Variants in MYO5A observed in about 807,000 individuals in gnomAD.
MYO5A encodes the protein unconventional myosin-Va.
MYO5A carries 98 observed loss-of-function variants against 249.7 expected under a neutral mutation model. That is an observed-to-expected ratio of 0.39 (90% confidence interval 0.33 to 0.46). The LOEUF is 0.46. MYO5A is among the 20% of genes least tolerant of loss of function. The pLI, the probability that MYO5A is intolerant of heterozygous loss-of-function variation, is 0.98. For synonymous variants in MYO5A, 778 were observed against 810.6 expected (o/e 0.96, Z 0.68); for missense variants, 1,696 against 2,308.8 (o/e 0.73, Z 5.44).
chr15:52,416,341 T>C lies in MYO5A; in HGVS notation c.456-40A>G, dbSNP rs79383076. The stretch of plus-strand genomic sequence containing the variant: ...TTTTTTAAAAAGTAACTGCCATTGC[T>C]GCCTATAGCAGGATTGATAAGGGAA... On this transcript the variant is annotated intron_variant, in intron 4 of 41. Transcript: ENST00000399233. The C allele has an allele frequency of 4.0e-3, 6,358 of 1,592,320 alleles. 191 individuals are homozygous for C. The African/African-American group carries it at 0.074, about 19-fold the overall frequency.
At chr15:52,463,853 C>G (rs2076301065) in intron 1 of MYO5A, among the ~76,000 whole-genome samples, 1 of 152,196 alleles carries the variant, frequency 6.6e-6, no homozygotes, top group South Asian at 2.1e-4. Flanking sequence ...GGAAGAAGAG[C>G]ATAAATTTTT....
At chr15:52,371,660 G>A (rs773196381) in intron 21 of MYO5A, among the ~76,000 whole-genome samples, 2 of 152,088 alleles carry the variant, frequency 1.3e-5, no homozygotes, top group Admixed American at 6.5e-5. Flanking sequence ...GGCTGAGGCA[G>A]GAGGATTGCT....
chr15:52,452,815 TC>T (rs1488317912), intron 1 of MYO5A, among the ~76,000 whole-genome samples: 1 of 146,782 alleles, frequency 6.8e-6, no homozygotes, highest in Non-Finnish European at 1.5e-5. Flanking sequence ...GCCACTGTAC[TC>T]CAGCCTGAGC....
chr15:52,312,736 A>T lies in MYO5A; in HGVS notation c.*960T>A, dbSNP rs914174178. On this transcript the variant is annotated 3_prime_UTR_variant, in exon 42 of 42. Transcript: ENST00000399233. ...ATGCACTGAAGGAATCAGATCTGGT[A>T]GTTAAAAATAAGTCACTTCACAGAA... 1 of 152,246 alleles carries T rather than the reference A, an allele frequency of 6.6e-6. No homozygotes were observed. Among genetic ancestry groups the T allele is most frequent in the Non-Finnish European group, 1.5e-5 (1 of 68,034 alleles). 9.4% of individuals were successfully genotyped at this position (152,246 alleles called of 1,614,324 possible).
chr15:52,337,280 T>C (rs1391973950), intron 33 of MYO5A, among the ~76,000 whole-genome samples: 1 of 152,186 alleles, frequency 6.6e-6, no homozygotes, highest in Non-Finnish European at 1.5e-5. Flanking sequence ...AAGTCCATGA[T>C]TATTGGCTAT....
intron 1 of MYO5A, among the ~76,000 whole-genome samples, chr15:52,438,216 CA>C (rs35228600): frequency 0.25 from 38,035 of 151,990 alleles, 5,735 homozygotes; most frequent in East Asian, 0.64. Context: ...GGCCGCAAAG[CA>C]AATACACATG....
chr15:52,405,501 T>C (rs774431212), intron 8 of MYO5A, 108 bp from the exon 9 acceptor site: 10 of 816,380 alleles, frequency 1.2e-5, no homozygotes, highest in Non-Finnish European at 1.8e-5. Flanking sequence ...TGCCAGATGT[T>C]GTGCATATTA....
At chr15:52,447,274 T>C (rs1021181785) in intron 1 of MYO5A, among the ~76,000 whole-genome samples, 1 of 151,868 alleles carries the variant, frequency 6.6e-6, no homozygotes, top group Non-Finnish European at 1.5e-5. Flanking sequence ...TCACTCACAC[T>C]CTCGCTCTCT....
intron 1 of MYO5A, among the ~76,000 whole-genome samples, chr15:52,514,509 G>A (rs545394229): frequency 1.3e-5 from 2 of 152,296 alleles, no homozygotes; most frequent in East Asian, 1.9e-4. Flanking sequence ...ATCCAGGAAG[G>A]GGAATGCTGG....
intron 1 of MYO5A, among the ~76,000 whole-genome samples, chr15:52,498,012 G>A (rs1022877254): frequency 6.6e-6 from 1 of 151,998 alleles, no homozygotes; most frequent in Non-Finnish European, 1.5e-5. Flanking sequence ...AGGCTGAAAA[G>A]CAATGTCTGA....
chr15:52,450,843 G>GTTTTTTGTTTTTT (rs769982056), intron 1 of MYO5A, among the ~76,000 whole-genome samples: 7 of 84,588 alleles, frequency 8.3e-5, no homozygotes, highest in African/African-American at 3.5e-4. Flanking sequence ...CACTACTGTG[G>GTTTTTTGTTTTTT]TTTTTTTTTT....
At chr15:52,413,077 G>T (rs537879395) in intron 5 of MYO5A, among the ~76,000 whole-genome samples, 59 of 151,106 alleles carry the variant, frequency 3.9e-4, no homozygotes, top group Non-Finnish European at 7.8e-4. Flanking sequence ...AATCCAGGAG[G>T]TGGAGGCTGC....
At chr15:52,509,116 C>G (rs901379264) in intron 1 of MYO5A, among the ~76,000 whole-genome samples, 1 of 152,052 alleles carries the variant, frequency 6.6e-6, no homozygotes, top group African/African-American at 2.4e-5. Flanking sequence ...GGACTATGGG[C>G]ATGTGCCACC....
chr15:52,322,135 A>G (rs1273497899), intron 37 of MYO5A, among the ~76,000 whole-genome samples: 1 of 152,254 alleles, frequency 6.6e-6, no homozygotes, highest in African/African-American at 2.4e-5. Flanking sequence ...GCCTGATGCT[A>G]CGTGATAAAG....
intron 1 of MYO5A, among the ~76,000 whole-genome samples, chr15:52,497,439 A>AAATG (rs2077060932): frequency 6.6e-6 from 1 of 150,616 alleles, no homozygotes; most frequent in African/African-American, 2.4e-5. Flanking sequence ...ATAAATAAAT[A>AAATG]AATAAATAAA....
intron 14 of MYO5A, among the ~76,000 whole-genome samples, chr15:52,387,004 T>C (rs1028289359): frequency 6.6e-6 from 1 of 152,192 alleles, no homozygotes; most frequent in Non-Finnish European, 1.5e-5. Context: ...GAGAATAAAA[T>C]AGAAAAACAA....
At chr15:52,345,304 G>A (rs985915581) in intron 30 of MYO5A, among the ~76,000 whole-genome samples, 5 of 152,040 alleles carry the variant, frequency 3.3e-5, no homozygotes, top group Admixed American at 2.0e-4. Flanking sequence ...TGATAGGGCC[G>A]GGCGCAGTGG....
intron 1 of MYO5A, among the ~76,000 whole-genome samples, chr15:52,504,129 G>T (rs1045912235): frequency 7.0e-6 from 1 of 143,352 alleles, no homozygotes; most frequent in East Asian, 2.1e-4. Context: ...AGAATTTGCA[G>T]ATACCATAAA....
At chr15:52,500,320 A>T (rs2077126652) in intron 1 of MYO5A, among the ~76,000 whole-genome samples, 1 of 150,470 alleles carries the variant, frequency 6.6e-6, no homozygotes, top group Admixed American at 6.7e-5. Flanking sequence ...TCTTGGAGAA[A>T]TGTCTATTCA....
Sources: gnomAD v4.1 joint callset for allele counts (sites outside exome capture counted in the v4.1 genomes callset) on GRCh38, gnomAD v4.1.1 for gene constraint, MANE v1.5 for transcripts, NCBI Gene and HGNC (gene_info 2026-07-23, HGNC 2026-07-21) for gene names.